SNX29: variants seen among roughly 807,000 people sequenced by gnomAD.
SNX29 encodes the protein sorting nexin 29.
In SNX29, 78 loss-of-function variants were observed where a neutral mutation model predicts 102.1. The ratio of observed to expected loss-of-function variants is 0.76; its 90% confidence interval spans 0.64 to 0.92. SNX29 has a LOEUF of 0.92. Among genes scored for constraint, SNX29 ranks in the 40% least tolerant of loss-of-function variants. The pLI is 0.00. For synonymous variants in SNX29, 580 were observed against 414.5 expected, an observed-to-expected ratio of 1.40 and a Z score of -4.85; for missense variants, 1,280 against 1,061.7, an observed-to-expected ratio of 1.21 and a Z score of -2.86.
intron 15 of SNX29, among the ~76,000 whole-genome samples, chr16:12,340,756 C>T (rs1007736588): frequency 3.3e-5 from 5 of 152,160 alleles, no homozygotes; most frequent in African/African-American, 1.2e-4. Context: ...CTGATTAGGT[C>T]ACCCGGAGCA....
chr16:12,383,816 A>C lies in SNX29; in HGVS notation c.1900-14630A>C, dbSNP rs1260855879. Among the ~76,000 whole-genome samples, 21 of 110,868 alleles carry C rather than the reference A, an allele frequency of 1.9e-4. 1 individual carries two copies. In the East Asian group the frequency reaches 5.0e-3, roughly 26 times the overall value. The allele number at this position is 110,868 out of a possible 152,430, so 72.7% of individuals were successfully genotyped here. On this transcript the variant is annotated intron_variant, in intron 16 of 20. Transcript: ENST00000566228. ...TGCTATCAAATACCATATCTTATTC[A>C]TTCTTGCTATTTTTTGTACCCATTA...
At chr16:12,180,178 T>C (rs1244764527) in intron 13 of SNX29, among the ~76,000 whole-genome samples, 2 of 152,106 alleles carry the variant, frequency 1.3e-5, no homozygotes, top group Non-Finnish European at 2.9e-5. Flanking sequence ...CTTTTCTTTT[T>C]CTAAAAAAAA....
intron 20 of SNX29, among the ~76,000 whole-genome samples, chr16:12,535,734 G>T (rs1373072839): frequency 1.3e-5 from 2 of 152,100 alleles, no homozygotes; most frequent in African/African-American, 4.8e-5. Flanking sequence ...AGCCAGGCTT[G>T]GTCACGCTCG....
intron 20 of SNX29, among the ~76,000 whole-genome samples, chr16:12,564,889 T>G (rs3929069): frequency 0.27 from 39,173 of 147,246 alleles, 5,717 homozygotes; most frequent in East Asian, 0.44. Context: ...GAGGATCCTG[T>G]GGGGAGGAGG....
At chr16:12,218,156 G>A (rs539431035) in intron 14 of SNX29, among the ~76,000 whole-genome samples, 1 of 152,214 alleles carries the variant, frequency 6.6e-6, no homozygotes, top group Non-Finnish European at 1.5e-5. Flanking sequence ...ACTGGAGCTT[G>A]TACTTCATAC....
chr16:12,069,064 C>T lies in SNX29; in HGVS notation c.1251C>T (p.Pro417=), dbSNP rs745344177. 5.0e-6 allele frequency: 8 copies of T among 1,613,892 alleles called. No individual in the cohort carries two copies. Among genetic ancestry groups the T allele is most frequent in the Non-Finnish European group, 6.8e-6 (8 of 1,179,834 alleles). The part of the protein sequence containing the change: ...GVGSYSPADA[P]LGSLENGTGP... ...ATTGCTCTCTCTGCACAGATGCCCCCCTCGGAAGCCTGGAGAACGGGACAG... is the reference window on the plus strand; with the variant it reads ...ATTGCTCTCTCTGCACAGATGCCCCTCTCGGAAGCCTGGAGAACGGGACAG... The change falls in exon 10 of 21, where the codon CCC becomes CCT. Residue 417 remains proline (P), a synonymous_variant. Transcript: ENST00000566228.
intron 18 of SNX29, among the ~76,000 whole-genome samples, chr16:12,426,521 G>A (rs950495467): frequency 6.6e-6 from 1 of 152,148 alleles, no homozygotes; most frequent in East Asian, 1.9e-4. Flanking sequence ...AATATAATGT[G>A]CCTTCACAAG....
Position 12,545,213 on chromosome 16 carries a change from C to T in SNX29, c.2318+20372C>T, listed in dbSNP as rs145857336. Among the ~76,000 whole-genome samples the T allele has an allele frequency of 4.3e-3, 656 of 152,290 alleles. 4 individuals carry two copies. Among genetic ancestry groups the T allele is most frequent in the African/African-American group, 0.013 (544 of 41,566 alleles). ...CAATACAAAAAAGGAAGGGGTGGGGCAGGCAATGACAGGGAAAGGGCCTCT... is the reference window on the plus strand; with the variant it reads ...CAATACAAAAAAGGAAGGGGTGGGGTAGGCAATGACAGGGAAAGGGCCTCT... On this transcript the variant is annotated intron_variant, in intron 20 of 20. Coordinates refer to ENST00000566228, the MANE Select transcript of SNX29 (RefSeq NM_032167.5).
At chr16:12,150,592 G>A (rs2055256153) in intron 13 of SNX29, among the ~76,000 whole-genome samples, 1 of 152,212 alleles carries the variant, frequency 6.6e-6, no homozygotes. Flanking sequence ...GAGCCCTGTG[G>A]CAGGTAATTG....
At chr16:12,553,021 A>G (rs1008092122) in intron 20 of SNX29, among the ~76,000 whole-genome samples, 1 of 152,246 alleles carries the variant, frequency 6.6e-6, no homozygotes, top group African/African-American at 2.4e-5. Flanking sequence ...GGATTAGATC[A>G]GCTTTAAGAG....
rs2079221876 is a variant in SNX29 at position 12,573,099 on chromosome 16, T to C, written c.*4470T>C. On this transcript the variant is annotated 3_prime_UTR_variant, in exon 21 of 21. Transcript: ENST00000566228. ...TTTCTGTGCCAAGAAAGTTCATCTTTATGTTTTTCTAATACACAATCTTGA... is the reference window on the plus strand; with the variant it reads ...TTTCTGTGCCAAGAAAGTTCATCTTCATGTTTTTCTAATACACAATCTTGA... 1 of 224,858 alleles carries C rather than the reference T, an allele frequency of 4.4e-6. No homozygotes were observed. Among genetic ancestry groups the C allele is most frequent in the East Asian group, 6.3e-5 (1 of 15,990 alleles). 13.9% of individuals were successfully genotyped at this position (224,858 alleles called of 1,614,324 possible).
chr16:12,464,900 C>T (rs2086982276), intron 18 of SNX29, among the ~76,000 whole-genome samples: 1 of 152,138 alleles, frequency 6.6e-6, no homozygotes, highest in South Asian at 2.1e-4. Context: ...TTCTCGATAC[C>T]CTCACCAACA....
At chr16:12,401,876 A>G (rs933863427) in intron 17 of SNX29, among the ~76,000 whole-genome samples, 20 of 152,262 alleles carry the variant, frequency 1.3e-4, no homozygotes, top group Non-Finnish European at 2.2e-4. Flanking sequence ...TAAACAATCA[A>G]TTTCTGATAC....
At chr16:12,160,260 C>T (rs535202062) in intron 13 of SNX29, among the ~76,000 whole-genome samples, 22 of 152,230 alleles carry the variant, frequency 1.4e-4, no homozygotes, top group African/African-American at 4.6e-4. Context: ...TGCTGAGGGG[C>T]GTCAGGGGGC....
intron 13 of SNX29, among the ~76,000 whole-genome samples, chr16:12,174,170 C>T (rs974196721): frequency 6.6e-6 from 1 of 152,202 alleles, no homozygotes; most frequent in African/African-American, 2.4e-5. Context: ...TTAACTCCCC[C>T]TCTAGAGGGC....
At chr16:11,978,051 T>G (rs762932869) in intron 1 of SNX29, among the ~76,000 whole-genome samples, 31 of 152,212 alleles carry the variant, frequency 2.0e-4, no homozygotes, top group Admixed American at 3.9e-4. Context: ...ACTTTTAAAG[T>G]TATCTCTGTG....
chr16:12,535,328 G>C (rs907200132), intron 20 of SNX29, among the ~76,000 whole-genome samples: 1 of 152,172 alleles, frequency 6.6e-6, no homozygotes, highest in East Asian at 1.9e-4. Flanking sequence ...TAGTAGAGAT[G>C]AGGTTTCGTG....
At position 12,572,089 on chromosome 16, in the gene SNX29, A is replaced by AG. The variant is rs756141425; in HGVS notation, c.*3463dup. 2.0e-4 allele frequency: 217 copies of AG among 1,062,022 alleles called. No individual in the cohort carries two copies. The highest frequency in any genetic ancestry group is 2.3e-4 in the Non-Finnish European group (205 of 876,922). 65.8% of individuals were successfully genotyped at this position (1,062,022 alleles called of 1,614,324 possible). A position where few individuals can be genotyped will look rare whatever the true frequency, so the allele number is the denominator to read the frequency against. On this transcript the variant is annotated 3_prime_UTR_variant, in exon 21 of 21. Transcript: ENST00000566228. ...TGCAAGATCTAGGAAGAGGAAGGGG[A>AG]GGGATGTGGACTGGGTCTGATCACA...
At chr16:12,548,616 C>A (rs1022072033) in intron 20 of SNX29, among the ~76,000 whole-genome samples, 1 of 152,192 alleles carries the variant, frequency 6.6e-6, no homozygotes, top group Non-Finnish European at 1.5e-5. Context: ...TGTCCAAGCC[C>A]CACAGCAGAA....
Sources: allele counts gnomAD v4.1 joint callset (sites outside exome capture counted in the v4.1 genomes callset), GRCh38; gene constraint gnomAD v4.1.1; transcripts MANE v1.5; gene names NCBI Gene and HGNC (gene_info 2026-07-23, HGNC 2026-07-21).